Variants in MRPS5 observed in about 807,000 individuals in gnomAD.
MRPS5 encodes small ribosomal subunit protein uS5m.
Under a neutral mutation model 51.9 loss-of-function variants are expected in MRPS5, and 27 were observed. The observed-to-expected ratio is 0.52, with a 90% CI of 0.38 to 0.72. MRPS5 has a LOEUF of 0.72. Among genes scored for constraint, MRPS5 ranks in the 30% least tolerant of loss-of-function variants. The probability of loss-of-function intolerance (pLI) is 0.00; values close to 1 mark genes in which losing one functional copy is unlikely to be tolerated. For missense variants in MRPS5, 570 were observed against 545.7 expected (o/e 1.04, Z -0.44); for synonymous variants, 196 against 193.2 (o/e 1.01, Z -0.12).
rs1412050597 is a variant in MRPS5, at chr2:95,108,189, G to A, written c.623C>T (p.Pro208Leu). The change falls in exon 5 of 12, where the codon CCT becomes CTT. Residue 208 changes from proline to leucine, a missense_variant. Pro to Leu is a moderately conservative substitution (Grantham distance 98, BLOSUM62 -3). Transcript: ENST00000272418. ...GAGTTTGCTACCTCCACAGGGACCA[G>A]GGTCAGGGGGGCCAAGACTGATGCC... is the stretch of plus-strand genomic sequence containing the variant. ...WGGISLGPPD[P>L]GPCGETYEDF... 1 of 1,614,146 alleles carries A rather than the reference G, an allele frequency of 6.2e-7. No homozygotes were observed. Among genetic ancestry groups the A allele is most frequent in the Admixed American group, 1.7e-5 (1 of 60,030 alleles).
At position 95,086,906 on chromosome 2, in the gene MRPS5, T is replaced by C. The variant is rs1240059913; in HGVS notation, c.*451A>G. On this transcript the variant is annotated 3_prime_UTR_variant, in exon 12 of 12. Transcript: ENST00000272418. ...CCATTTAACATTCCCAATAGTAGCC[T>C]ACAACTTCCATTTCCACTGTGGAAA... Among the ~76,000 whole-genome samples, 1 of 152,188 alleles carries C rather than the reference T, an allele frequency of 6.6e-6. No individual in the cohort carries two copies. Among genetic ancestry groups the C allele is most frequent in the Non-Finnish European group, 1.5e-5 (1 of 68,026 alleles).
chr2:95,111,696 C>T lies in MRPS5; in HGVS notation c.278-1655G>A, dbSNP rs1489839974. Among the ~76,000 whole-genome samples, 4 of 152,216 alleles carry T rather than the reference C, an allele frequency of 2.6e-5. No individual in the cohort carries two copies. The East Asian group carries it at 7.7e-4, about 29-fold the overall frequency. ...TACAGAATGCAAAAATAATCATAAT[C>T]CCATTACCATTGTTAGATAAGAATG... On this transcript the variant is annotated intron_variant, in intron 3 of 11. Coordinates refer to ENST00000272418, the MANE Select transcript of MRPS5 (RefSeq NM_031902.5).
At chr2:95,121,503 G>A (rs1327855469) in intron 1 of MRPS5, among the ~76,000 whole-genome samples, 2 of 152,222 alleles carry the variant, frequency 1.3e-5, no homozygotes, top group Non-Finnish European at 2.9e-5. Flanking sequence ...GAAGAACCCT[G>A]AAGAACGACG....
At chr2:95,088,199 T>C (rs1349895687) in intron 11 of MRPS5, among the ~76,000 whole-genome samples, 1 of 152,222 alleles carries the variant, frequency 6.6e-6, no homozygotes, top group African/African-American at 2.4e-5. Context: ...GGATATTTGA[T>C]GATACAAGTT....
At chr2:95,102,681 G>A (rs1675838891) in intron 7 of MRPS5, among the ~76,000 whole-genome samples, 1 of 152,078 alleles carries the variant, frequency 6.6e-6, no homozygotes, top group Non-Finnish European at 1.5e-5. Context: ...AAAAATATCA[G>A]AAAGGTTGGG....
chr2:95,089,915 C>T (rs1348809368), intron 11 of MRPS5, among the ~76,000 whole-genome samples: 4 of 152,076 alleles, frequency 2.6e-5, no homozygotes, highest in Non-Finnish European at 5.9e-5. Flanking sequence ...CGGTGGCTCA[C>T]ACCTGTAATC....
rs1675308375 is a variant in MRPS5 at position 95,086,961 on chromosome 2, G to A, written c.*396C>T. On this transcript the variant is annotated 3_prime_UTR_variant, in exon 12 of 12. Coordinates refer to ENST00000272418, the MANE Select transcript of MRPS5 (RefSeq NM_031902.5). ...TTTGGAAGTTCCTCACGGTAGTCAAGTTACTTAACTGCTCTGTAAAATGAA... is the reference window on the plus strand; with the variant it reads ...TTTGGAAGTTCCTCACGGTAGTCAAATTACTTAACTGCTCTGTAAAATGAA... Among the ~76,000 whole-genome samples the A allele has an allele frequency of 6.6e-6, 1 of 152,116 alleles. No individual in the cohort carries two copies. The highest frequency in any genetic ancestry group is 2.1e-4 in the South Asian group (1 of 4,834).
chr2:95,108,449 C>T, intron 4 of MRPS5, 41 bp from the exon 5 acceptor site: 1 of 1,521,452 alleles, frequency 6.6e-7, no homozygotes, highest in Non-Finnish European at 9.0e-7. Context: ...TGTTAAAGTA[C>T]TCATTTTTCA....
At chr2:95,090,282 GC>G in intron 11 of MRPS5, 103 bp downstream of exon 11, 1 of 1,167,206 alleles carries the variant, frequency 8.6e-7, no homozygotes, top group Non-Finnish European at 1.2e-6. Context: ...TCCTCAGGTG[GC>G]CCCAGGAAAG....
chr2:95,085,455 C>T lies in MRPS5; in HGVS notation c.*1902G>A, dbSNP rs1266902852. On this transcript the variant is annotated 3_prime_UTR_variant, in exon 12 of 12. Coordinates refer to ENST00000272418, the MANE Select transcript of MRPS5 (RefSeq NM_031902.5). ...TTTGTTAGGTACTTAAGAAGGAAAACTAACAGGACAGATAAGTTTTAGGAA... is the reference window on the plus strand; with the variant it reads ...TTTGTTAGGTACTTAAGAAGGAAAATTAACAGGACAGATAAGTTTTAGGAA... 6.6e-6 allele frequency among the ~76,000 whole-genome samples: 1 copy of T among 152,168 alleles called. No individual in the cohort carries two copies. Among genetic ancestry groups the T allele is most frequent in the African/African-American group, 2.4e-5 (1 of 41,440 alleles).
At chr2:95,110,642 A>G (rs1676091881) in intron 3 of MRPS5, among the ~76,000 whole-genome samples, 1 of 152,140 alleles carries the variant, frequency 6.6e-6, no homozygotes, top group South Asian at 2.1e-4. Context: ...TCTCTATTAA[A>G]ACTTCAAATA....
rs879756710 is a variant in MRPS5, at chr2:95,085,817, CTCA to C, written c.*1537_*1539del. 2.0e-5 allele frequency among the ~76,000 whole-genome samples: 3 copies of C among 152,100 alleles called. No individual in the cohort carries two copies. The highest frequency in any genetic ancestry group is 2.9e-5 in the Non-Finnish European group (2 of 68,030). On this transcript the variant is annotated 3_prime_UTR_variant, in exon 12 of 12. Coordinates refer to ENST00000272418, the MANE Select transcript of MRPS5 (RefSeq NM_031902.5). The stretch of plus-strand genomic sequence containing the variant: ...GATGACCAGGATACAGCCAAAGTCA[CTCA>C]TCATAACAAGAACTAGGACATTGTA...
chr2:95,101,870 T>C (rs2104409028), intron 7 of MRPS5, 147 bp from the exon 8 acceptor site: 3 of 607,730 alleles, frequency 4.9e-6, no homozygotes, highest in Non-Finnish European at 8.7e-6. Flanking sequence ...AAACCATTAA[T>C]AGGCTGGGTG....
intron 5 of MRPS5, among the ~76,000 whole-genome samples, chr2:95,107,269 G>T (rs1305105202): frequency 2.0e-5 from 3 of 152,092 alleles, no homozygotes; most frequent in Non-Finnish European, 4.4e-5. Flanking sequence ...TAATCTGGAG[G>T]CCATAATCAT....
At position 95,087,170 on chromosome 2, in the gene MRPS5, G is replaced by C. The variant is rs918881739; in HGVS notation, c.*187C>G. ...CTTGAACTGAGATATGTATGTAAAG[G>C]TTCTATCACATTGGCATATAACATG... On this transcript the variant is annotated 3_prime_UTR_variant, in exon 12 of 12. Coordinates refer to ENST00000272418, the MANE Select transcript of MRPS5 (RefSeq NM_031902.5). 7 of 554,654 alleles carry C rather than the reference G, an allele frequency of 1.3e-5. No homozygotes were observed. Among genetic ancestry groups the C allele is most frequent in the South Asian group, 1.0e-4 (4 of 38,342 alleles). The allele number at this position is 554,654 out of a possible 1,614,324, so 34.4% of individuals were successfully genotyped here.
At chr2:95,116,578 A>T (rs570666817) in intron 2 of MRPS5, among the ~76,000 whole-genome samples, 81 of 152,256 alleles carry the variant, frequency 5.3e-4, no homozygotes, top group Non-Finnish European at 1.0e-3. Context: ...TAAATTACTC[A>T]GTTACAGATT....
intron 2 of MRPS5, among the ~76,000 whole-genome samples, chr2:95,116,813 G>T (rs1251404784): frequency 6.6e-6 from 1 of 151,994 alleles, no homozygotes; most frequent in Non-Finnish European, 1.5e-5. Flanking sequence ...CCTGGCCAAC[G>T]TGGTGAAACC....
At chr2:95,118,024 T>C (rs1676339714) in intron 1 of MRPS5, 79 bp from the exon 2 acceptor site, 7 of 1,076,330 alleles carry the variant, frequency 6.5e-6, no homozygotes, top group Non-Finnish European at 1.4e-6. Context: ...CCACAAAATA[T>C]ATCTATAGAA....
chr2:95,101,817 C>G, intron 7 of MRPS5, 94 bp from the exon 8 acceptor site: 2 of 771,590 alleles, frequency 2.6e-6, no homozygotes, highest in African/African-American at 1.8e-5. Context: ...CAATATTTCA[C>G]AGCACTTCAT....
Sources: allele counts gnomAD v4.1 joint callset (sites outside exome capture counted in the v4.1 genomes callset), GRCh38; gene constraint gnomAD v4.1.1; transcripts MANE v1.5; gene names NCBI Gene and HGNC (gene_info 2026-07-23, HGNC 2026-07-21).